The following DGCR2 variants were observed in gnomAD, a reference collection of about 807,000 sequenced individuals.
The protein encoded by DGCR2 is DiGeorge syndrome critical region gene 2, also known as integral membrane protein DGCR2/IDD.
DGCR2 carries 24 observed loss-of-function variants against 51.6 expected under a neutral mutation model. The ratio of observed to expected loss-of-function variants is 0.47; its 90% CI spans 0.34 to 0.65. The LOEUF (loss-of-function observed/expected upper bound fraction) is 0.65. DGCR2 is among the 30% of genes least tolerant of loss of function. The probability of loss-of-function intolerance (pLI) is 0.01; values close to 1 mark genes in which losing one functional copy is unlikely to be tolerated. For missense variants in DGCR2, 765 were observed against 772.1 expected (o/e 0.99, Z 0.11); for synonymous variants, 340 against 315.4 (o/e 1.08, Z -0.82).
At chr22:19,102,452 C>A (rs1207207396) in intron 1 of DGCR2, among the ~76,000 whole-genome samples, 1 of 152,216 alleles carries the variant, frequency 6.6e-6, no homozygotes, top group East Asian at 1.9e-4. Flanking sequence ...CCTGTAATCC[C>A]AGCACTTTGG....
At chr22:19,073,355 A>G (rs377180522) in intron 2 of DGCR2, among the ~76,000 whole-genome samples, 1 of 152,168 alleles carries the variant, frequency 6.6e-6, no homozygotes, top group South Asian at 2.1e-4. Context: ...TAAAATAATC[A>G]AAGAGATGGA....
intron 1 of DGCR2, among the ~76,000 whole-genome samples, chr22:19,105,197 C>T (rs913540385): frequency 1.3e-5 from 2 of 152,140 alleles, no homozygotes; most frequent in Non-Finnish European, 2.9e-5. Flanking sequence ...GTGGCGCACA[C>T]CTGTAGTCTC....
At chr22:19,064,453 T>TG (rs953514536) in intron 4 of DGCR2, among the ~76,000 whole-genome samples, 1 of 152,198 alleles carries the variant, frequency 6.6e-6, no homozygotes, top group Non-Finnish European at 1.5e-5. Context: ...CTTGCTTTCT[T>TG]GGGGGGAACC....
intron 7 of DGCR2, among the ~76,000 whole-genome samples, chr22:19,043,480 C>T (rs1249862675): frequency 6.6e-6 from 1 of 152,166 alleles, no homozygotes; most frequent in Non-Finnish European, 1.5e-5. Context: ...TCCATGCACT[C>T]CTGACTTGGG....
At chr22:19,058,207 T>C (rs544497197) in intron 5 of DGCR2, among the ~76,000 whole-genome samples, 17 of 152,282 alleles carry the variant, frequency 1.1e-4, no homozygotes, top group Admixed American at 1.0e-3. Context: ...TGTGGACACA[T>C]GGTGCCCTGC....
intron 1 of DGCR2, among the ~76,000 whole-genome samples, chr22:19,107,085 T>C (rs1221555606): frequency 1.3e-5 from 2 of 152,234 alleles, no homozygotes; most frequent in Non-Finnish European, 2.9e-5. Flanking sequence ...TTTTGAAATA[T>C]GCCTGCAACT....
At chr22:19,048,320 T>G in intron 7 of DGCR2, 120 bp downstream of exon 7, 1 of 1,048,700 alleles carries the variant, frequency 9.5e-7, no homozygotes, top group South Asian at 1.4e-5. Flanking sequence ...ACGCTGCCAT[T>G]GCTGCTGCGC....
rs376098279 is a variant in DGCR2, at chr22:19,038,891, G to A, written c.1627C>T (p.Arg543Cys). Residue 543 changes from arginine (R) to cysteine (C), a missense_variant, in exon 10 of 10, where the codon CGC becomes TGC. Transcript: ENST00000263196. ...EALPGGGRHS[R>C]SSLNTVV ...TACACCACAGTATTGAGGGAGCTGC[G>A]GCTGTGGCGGCCACCCCCTGGCAGT... The A allele has an allele frequency of 7.4e-5, 119 of 1,612,764 alleles. 1 individual carries two copies. The highest frequency in any genetic ancestry group is 4.2e-4 in the East Asian group (19 of 44,882).
At chr22:19,105,270 G>A (rs749728091) in intron 1 of DGCR2, among the ~76,000 whole-genome samples, 3 of 152,178 alleles carry the variant, frequency 2.0e-5, no homozygotes, top group Non-Finnish European at 2.9e-5. Flanking sequence ...GTTGCAGTGA[G>A]CCAAGATCAT....
At chr22:19,048,111 T>G in intron 7 of DGCR2, 4 of 386,026 alleles carry the variant, frequency 1.0e-5, no homozygotes, top group Non-Finnish European at 1.9e-5. Context: ...GAGAACGGCT[T>G]AAACCCTGGA....
At chr22:19,102,736 T>C (rs2800967) in intron 1 of DGCR2, among the ~76,000 whole-genome samples, 62,324 of 151,050 alleles carry the variant, frequency 0.41, 13,206 homozygotes, top group African/African-American at 0.53. Context: ...CTGGGCATGG[T>C]GGCTAATGCC....
rs936669808 is a variant in DGCR2, at chr22:19,122,401, T to C, written c.-195A>G. On this transcript the variant is annotated 5_prime_UTR_variant, in exon 1 of 10. Transcript: ENST00000263196. ...TGCAACCTCAGGCACCGACTCCAGC[T>C]GCGCGCAAGATGGCGGCCGTCCTGC... 4.8e-6 allele frequency: 2 copies of C among 418,746 alleles called. No individual in the cohort carries two copies. The highest frequency in any genetic ancestry group is 2.1e-5 in the African/African-American group (1 of 47,354). The allele number at this position is 418,746 out of a possible 1,614,324, so 25.9% of individuals were successfully genotyped here.
chr22:19,118,279 G>A (rs182109563), intron 1 of DGCR2, among the ~76,000 whole-genome samples: 26 of 148,500 alleles, frequency 1.8e-4, no homozygotes, highest in Admixed American at 1.6e-3. Context: ...GCTGACACAG[G>A]AGAATTACTT....
intron 5 of DGCR2, among the ~76,000 whole-genome samples, chr22:19,062,806 CTA>C (rs1491458534): frequency 2.7e-5 from 4 of 147,422 alleles, no homozygotes; most frequent in Non-Finnish European, 3.1e-5. Context: ...CTCTCTCTCT[CTA>C]TCTGCCTGAT....
rs1246996998 is a variant in DGCR2, at chr22:19,048,710, C to A, written c.803-67G>T. 4 of 1,537,624 alleles carry A rather than the reference C, an allele frequency of 2.6e-6. No homozygotes were observed. In the African/African-American group the frequency reaches 5.4e-5, roughly 21 times the overall value. ...AAAAAGGTAGCCTCCCCGTGTGGGC[C>A]ACACTGCCAAAAAAGGTAGCCTCCC... is the stretch of plus-strand genomic sequence containing the variant. On this transcript the variant is annotated intron_variant, in intron 6 of 9. Coordinates refer to ENST00000263196, the MANE Select transcript of DGCR2 (RefSeq NM_005137.3).
At chr22:19,060,150 G>A (rs1204997315) in intron 5 of DGCR2, among the ~76,000 whole-genome samples, 30 of 152,288 alleles carry the variant, frequency 2.0e-4, no homozygotes, top group Non-Finnish European at 1.5e-5. Context: ...TCACCCAGAG[G>A]GCAGGGTCTC....
intron 2 of DGCR2, among the ~76,000 whole-genome samples, chr22:19,084,481 CGGG>C (rs2082984601): frequency 2.0e-5 from 3 of 146,640 alleles, no homozygotes; most frequent in Admixed American, 6.7e-5. Flanking sequence ...CCCCTTTGCC[CGGG>C]AGCCGCCCCG....
chr22:19,062,772 CAT>C (rs2082684551), intron 5 of DGCR2, among the ~76,000 whole-genome samples: 1 of 136,960 alleles, frequency 7.3e-6, no homozygotes, highest in Non-Finnish European at 1.6e-5. Flanking sequence ...CACACACATG[CAT>C]GCTCACTCTC....
In DGCR2 at chr22:19,041,340, G is replaced by A. The variant is rs527518172; in HGVS notation, c.1160-46C>T. The A allele has an allele frequency of 7.6e-6, 12 of 1,584,846 alleles. No individual in the cohort carries two copies. The Admixed American group carries it at 1.0e-4, about 13-fold the overall frequency. Reference sequence around the variant, plus strand: ...AACGGGAACAGAGACAAGTCACTGGGGGCAGGCTGCCTGGCTCCTGAGCCC... The same window carrying A: ...AACGGGAACAGAGACAAGTCACTGGAGGCAGGCTGCCTGGCTCCTGAGCCC... On this transcript the variant is annotated intron_variant, in intron 8 of 9. Transcript: ENST00000263196.
Sources: allele counts gnomAD v4.1 joint callset (sites outside exome capture counted in the v4.1 genomes callset), GRCh38; gene constraint gnomAD v4.1.1; transcripts MANE v1.5; gene names NCBI Gene and HGNC (gene_info 2026-07-23, HGNC 2026-07-21).